Variants in GRIN2A observed in about 807,000 individuals in gnomAD.
GRIN2A encodes the protein glutamate receptor ionotropic, NMDA 2A.
Under a neutral mutation model 113.4 loss-of-function variants are expected in GRIN2A, and 22 were observed. The ratio of observed to expected loss-of-function variants is 0.19; its 90% CI spans 0.14 to 0.28. The LOEUF is 0.28. Among genes scored for constraint, GRIN2A ranks in the 10% least tolerant of loss-of-function variants. The pLI is 1.00. For synonymous variants in GRIN2A, 827 were observed against 738.4 expected (o/e 1.12, Z -1.94); for missense variants, 1,502 against 1,887.0 (o/e 0.80, Z 3.78).
chr16:9,805,817 A>G (rs2041955767), intron 10 of GRIN2A, among the ~76,000 whole-genome samples: 1 of 152,144 alleles, frequency 6.6e-6, no homozygotes, highest in Non-Finnish European at 1.5e-5. Flanking sequence ...CCGGGTACCC[A>G]TCGGGGAAGG....
chr16:9,782,889 A>C (rs900442986), intron 11 of GRIN2A, among the ~76,000 whole-genome samples: 3 of 152,226 alleles, frequency 2.0e-5, no homozygotes, highest in South Asian at 4.1e-4. Flanking sequence ...TTAGGAGGGA[A>C]ATAAACAAGT....
At chr16:9,929,572 G>C (rs2044542090) in intron 3 of GRIN2A, among the ~76,000 whole-genome samples, 1 of 152,096 alleles carries the variant, frequency 6.6e-6, no homozygotes, top group African/African-American at 2.4e-5. Context: ...CCTGTGCTAT[G>C]ATCTCCCAAC....
At chr16:10,137,763 G>T (rs2049230363) in intron 2 of GRIN2A, among the ~76,000 whole-genome samples, 1 of 152,200 alleles carries the variant, frequency 6.6e-6, no homozygotes, top group Non-Finnish European at 1.5e-5. Flanking sequence ...AGCATTAAAT[G>T]AGAGAGTGTG....
At chr16:10,036,108 T>C (rs1363386634) in intron 2 of GRIN2A, among the ~76,000 whole-genome samples, 1 of 151,852 alleles carries the variant, frequency 6.6e-6, no homozygotes, top group African/African-American at 2.4e-5. Flanking sequence ...ATTCCCCTGA[T>C]GATCTCACTT....
chr16:9,899,195 T>C (rs1247834546), intron 3 of GRIN2A, among the ~76,000 whole-genome samples: 2 of 151,888 alleles, frequency 1.3e-5, no homozygotes, highest in African/African-American at 4.8e-5. Flanking sequence ...TCCCAGCACT[T>C]TGGGATGCCA....
At chr16:9,843,743 G>C (rs2042724225) in intron 5 of GRIN2A, among the ~76,000 whole-genome samples, 1 of 152,104 alleles carries the variant, frequency 6.6e-6, no homozygotes, top group African/African-American at 2.4e-5. Context: ...TTAGTGGGGG[G>C]GTAGTAGGAG....
At chr16:10,153,242 A>C (rs560266038) in intron 2 of GRIN2A, among the ~76,000 whole-genome samples, 1 of 152,266 alleles carries the variant, frequency 6.6e-6, no homozygotes, top group South Asian at 2.1e-4. Flanking sequence ...ATTCTGTTCA[A>C]TTTTGCTGTG....
chr16:10,156,394 G>C (rs954891436), intron 2 of GRIN2A, among the ~76,000 whole-genome samples: 1 of 152,260 alleles, frequency 6.6e-6, no homozygotes, highest in Non-Finnish European at 1.5e-5. Flanking sequence ...AATGAGGGAA[G>C]AGAAATAAGG....
intron 7 of GRIN2A, among the ~76,000 whole-genome samples, chr16:9,835,729 G>T (rs1189216981): frequency 1.3e-5 from 2 of 152,090 alleles, no homozygotes; most frequent in African/African-American, 4.8e-5. Flanking sequence ...AAAGAGCTAG[G>T]TTGATAGCAG....
chr16:10,028,121 G>A (rs543536456), intron 2 of GRIN2A, among the ~76,000 whole-genome samples: 3 of 152,288 alleles, frequency 2.0e-5, no homozygotes, highest in South Asian at 4.2e-4. Flanking sequence ...TATGCCCCAC[G>A]CCAGGTCTGT....
chr16:9,837,194 G>A (rs182764106), intron 7 of GRIN2A, among the ~76,000 whole-genome samples: 8 of 152,270 alleles, frequency 5.3e-5, no homozygotes, highest in African/African-American at 1.7e-4. Context: ...GATAATGACC[G>A]TAAATAAGGG....
intron 4 of GRIN2A, among the ~76,000 whole-genome samples, chr16:9,857,238 G>C (rs2042984589): frequency 6.6e-6 from 1 of 152,140 alleles, no homozygotes; most frequent in African/African-American, 2.4e-5. Flanking sequence ...TCAGCTATCA[G>C]GATGGAACAG....
intron 10 of GRIN2A, among the ~76,000 whole-genome samples, chr16:9,799,767 TTC>T (rs1903241571): frequency 6.6e-6 from 1 of 152,228 alleles, no homozygotes; most frequent in South Asian, 2.1e-4. Context: ...CACTTTTAAA[TTC>T]TTTTTTGATA....
intron 4 of GRIN2A, among the ~76,000 whole-genome samples, chr16:9,858,440 G>A (rs537271440): frequency 6.6e-6 from 1 of 152,152 alleles, no homozygotes; most frequent in Admixed American, 6.5e-5. Context: ...AAAATAGGTT[G>A]TGTGGGAGGA....
At chr16:9,844,376 G>A (rs2042735032) in intron 5 of GRIN2A, among the ~76,000 whole-genome samples, 1 of 152,192 alleles carries the variant, frequency 6.6e-6, no homozygotes, top group Non-Finnish European at 1.5e-5. Flanking sequence ...AAGGCACGCA[G>A]CAAAGGCAAT....
Position 9,938,452 on chromosome 16 carries a change from G to A in GRIN2A, c.514C>T (p.Leu172=). The A allele has an allele frequency of 1.2e-6, 2 of 1,613,866 alleles. No individual in the cohort carries two copies. Among genetic ancestry groups the A allele is most frequent in the East Asian group, 2.2e-5 (1 of 44,858 alleles). ...TAGCCAGGGAAGATAGTGGTCACCA[G>A]GGAGAAGACATGCCAGTCATAATCC... ...MQDYDWHVFS[L]VTTIFPGYRE... is the part of the protein sequence containing the mutation. The change falls in exon 3 of 13, where the codon CTG becomes TTG. Residue 172 remains leucine (L), a synonymous_variant. Transcript: ENST00000330684.
Position 9,822,314 on chromosome 16 carries a change from G to C in GRIN2A, c.2118C>G (p.Thr706=). ...CCTCTACTCCTTTCTGATTAAATTT[G>C]GTCATGTACTGATGCATGTAGGGAT... ...NNYPYMHQYM[T]KFNQKGVEDA... is the part of the protein sequence containing the mutation. The change falls in exon 10 of 13, where the codon ACC becomes ACG. Residue 706 remains threonine (T), a synonymous_variant. Coordinates refer to ENST00000330684, the MANE Select transcript of GRIN2A (RefSeq NM_001134407.3). The C allele has an allele frequency of 6.2e-7, 1 of 1,612,706 alleles. No homozygotes were observed. Among genetic ancestry groups the C allele is most frequent in the Non-Finnish European group, 8.5e-7 (1 of 1,178,790 alleles).
intron 2 of GRIN2A, among the ~76,000 whole-genome samples, chr16:9,954,718 C>A (rs2045265808): frequency 6.6e-6 from 1 of 152,080 alleles, no homozygotes; most frequent in Non-Finnish European, 1.5e-5. Context: ...CAAAACAAAA[C>A]AAAAAGGTTG....
At chr16:10,142,125 A>T (rs1333392929) in intron 2 of GRIN2A, among the ~76,000 whole-genome samples, 5 of 152,186 alleles carry the variant, frequency 3.3e-5, no homozygotes, top group African/African-American at 1.2e-4. Flanking sequence ...ATGTCCTACC[A>T]TTCCAGGGTA....
Sources: gnomAD v4.1 joint callset for allele counts (sites outside exome capture counted in the v4.1 genomes callset) on GRCh38, gnomAD v4.1.1 for gene constraint, MANE v1.5 for transcripts, NCBI Gene and HGNC (gene_info 2026-07-23, HGNC 2026-07-21) for gene names.